BMP6: variants seen among roughly 807,000 people sequenced by gnomAD.
BMP6 encodes bone morphogenetic protein 6, also known as VG-1-R.
In BMP6, 17 loss-of-function variants were observed where a neutral mutation model predicts 54.1. The ratio of observed to expected loss-of-function variants is 0.31; its 90% CI spans 0.22 to 0.47. The LOEUF is 0.47. Ranked by LOEUF, BMP6 falls within the 20% of genes least tolerant of loss-of-function variation. The pLI is 1.00. For synonymous variants in BMP6, 328 were observed against 291.2 expected (o/e 1.13, Z -1.28); for missense variants, 720 against 690.4 (o/e 1.04, Z -0.48).
chr6:7,793,555 C>T lies in BMP6; in HGVS notation c.665-51585C>T, dbSNP rs559993567. Among the ~76,000 whole-genome samples, 8 of 151,606 alleles carry T rather than the reference C, an allele frequency of 5.3e-5. No homozygotes were observed. The South Asian group carries it at 1.5e-3, about 28-fold the overall frequency. ...TAATGATGTGTCCGTGTAGGTCCAC[C>T]GATGATAACTAATGTACCACTTTGG... On this transcript the variant is annotated intron_variant, in intron 1 of 6. Coordinates refer to ENST00000283147, the MANE Select transcript of BMP6 (RefSeq NM_001718.6).
intron 1 of BMP6, among the ~76,000 whole-genome samples, chr6:7,802,383 C>A (rs1253797275): frequency 6.6e-6 from 1 of 152,204 alleles, no homozygotes; most frequent in Non-Finnish European, 1.5e-5. Flanking sequence ...TCACCTCTCC[C>A]TTGAGGCCCA....
intron 4 of BMP6, among the ~76,000 whole-genome samples, chr6:7,870,207 T>A (rs894764487): frequency 6.6e-6 from 1 of 152,180 alleles, no homozygotes; most frequent in Non-Finnish European, 1.5e-5. Context: ...GGAGAGGGAT[T>A]TCAGAGCCAT....
chr6:7,774,017 A>G (rs759546202), intron 1 of BMP6, among the ~76,000 whole-genome samples: 2 of 152,266 alleles, frequency 1.3e-5, no homozygotes, highest in Non-Finnish European at 2.9e-5. Flanking sequence ...AGACGTGGTC[A>G]TTCCAGCCTC....
At chr6:7,842,187 C>T (rs1055649650) in intron 1 of BMP6, among the ~76,000 whole-genome samples, 11 of 152,100 alleles carry the variant, frequency 7.2e-5, no homozygotes, top group African/African-American at 2.7e-4. Context: ...AACGAGTTAC[C>T]ATCTCTCACA....
intron 1 of BMP6, among the ~76,000 whole-genome samples, chr6:7,802,479 T>C (rs1188551310): frequency 6.6e-6 from 1 of 152,196 alleles, no homozygotes; most frequent in East Asian, 1.9e-4. Flanking sequence ...GACGTTGTAA[T>C]CCTCACAAGT....
intron 1 of BMP6, among the ~76,000 whole-genome samples, chr6:7,777,485 G>C (rs1169768937): frequency 6.6e-6 from 1 of 152,160 alleles, no homozygotes; most frequent in Non-Finnish European, 1.5e-5. Flanking sequence ...TCTGGCTCCA[G>C]TATGGGGACT....
chr6:7,836,740 A>C (rs1218585174), intron 1 of BMP6, among the ~76,000 whole-genome samples: 1 of 152,226 alleles, frequency 6.6e-6, no homozygotes, highest in African/African-American at 2.4e-5. Context: ...AATACTTAGA[A>C]ATATTTGATG....
chr6:7,743,329 G>A (rs901516629), intron 1 of BMP6, among the ~76,000 whole-genome samples: 7 of 152,312 alleles, frequency 4.6e-5, no homozygotes, highest in African/African-American at 1.4e-4. Flanking sequence ...GGTTGACAAG[G>A]TTAATGTGTC....
intron 1 of BMP6, among the ~76,000 whole-genome samples, chr6:7,829,742 T>C (rs774306062): frequency 3.3e-5 from 5 of 152,112 alleles, no homozygotes; most frequent in African/African-American, 1.2e-4. Context: ...TGTAGCACTG[T>C]TGGGCGTCTG....
In BMP6 at chr6:7,781,382, A is replaced by T. The variant is rs764986999; in HGVS notation, c.664+53763A>T. ...CAGCTTCAAGGTGTGCTTCTTGGGG[A>T]TGTGGGCTGAGGCTTAGTGAGCTCG... On this transcript the variant is annotated intron_variant, in intron 1 of 6. Transcript: ENST00000283147. 4.2e-5 allele frequency among the ~76,000 whole-genome samples: 6 copies of T among 142,898 alleles called. 1 individual carries two copies. Among genetic ancestry groups the T allele is most frequent in the Non-Finnish European group, 9.8e-5 (6 of 61,422 alleles). 93.7% of individuals were successfully genotyped at this position (142,898 alleles called of 152,430 possible). A position where few individuals can be genotyped will look rare whatever the true frequency, so the allele number is the denominator to read the frequency against.
intron 1 of BMP6, among the ~76,000 whole-genome samples, chr6:7,832,416 G>A (rs1474217288): frequency 3.3e-5 from 5 of 152,078 alleles, no homozygotes; most frequent in Non-Finnish European, 5.9e-5. Flanking sequence ...AGGGCACAGC[G>A]AGAAGACAGC....
At chr6:7,821,792 A>G (rs1248468526) in intron 1 of BMP6, among the ~76,000 whole-genome samples, 1 of 152,196 alleles carries the variant, frequency 6.6e-6, no homozygotes, top group Non-Finnish European at 1.5e-5. Context: ...TCAGGAGTCA[A>G]TATATTCATT....
intron 4 of BMP6, among the ~76,000 whole-genome samples, chr6:7,870,732 A>G (rs776655498): frequency 4.6e-5 from 7 of 152,116 alleles, no homozygotes; most frequent in Non-Finnish European, 7.3e-5. Context: ...GGTTCAAGCA[A>G]TTCTCCTGCC....
intron 1 of BMP6, among the ~76,000 whole-genome samples, chr6:7,748,174 C>T (rs547401106): frequency 8.6e-5 from 13 of 152,014 alleles, no homozygotes; most frequent in East Asian, 3.9e-4. Context: ...GTTTGGTTTT[C>T]GGTGAGTTTT....
At chr6:7,740,511 G>T (rs2113116186) in intron 1 of BMP6, among the ~76,000 whole-genome samples, 1 of 152,210 alleles carries the variant, frequency 6.6e-6, no homozygotes, top group Non-Finnish European at 1.5e-5. Context: ...GATTCCATTT[G>T]TAGAAAGTTG....
At chr6:7,782,651 T>A (rs1178695650) in intron 1 of BMP6, among the ~76,000 whole-genome samples, 1 of 152,004 alleles carries the variant, frequency 6.6e-6, no homozygotes, top group Non-Finnish European at 1.5e-5. Flanking sequence ...TGTAGTGCGC[T>A]AAGATGGCGT....
At chr6:7,823,267 T>C (rs1256632180) in intron 1 of BMP6, among the ~76,000 whole-genome samples, 1 of 152,216 alleles carries the variant, frequency 6.6e-6, no homozygotes, top group African/African-American at 2.4e-5. Flanking sequence ...TTACAGAATA[T>C]TGTACTGATA....
chr6:7,771,830 A>C (rs1009494175), intron 1 of BMP6, among the ~76,000 whole-genome samples: 2 of 152,230 alleles, frequency 1.3e-5, no homozygotes, highest in East Asian at 1.9e-4. Context: ...AGGCGGGTGG[A>C]TCACCTGAGG....
chr6:7,764,824 T>C (rs947924718), intron 1 of BMP6, among the ~76,000 whole-genome samples: 2 of 152,116 alleles, frequency 1.3e-5, no homozygotes, highest in African/African-American at 2.4e-5. Flanking sequence ...CCCTCAGCAG[T>C]AGCTGATGCA....
Sources: allele counts gnomAD v4.1 joint callset (sites outside exome capture counted in the v4.1 genomes callset), GRCh38; gene constraint gnomAD v4.1.1; transcripts MANE v1.5; gene names NCBI Gene and HGNC (gene_info 2026-07-23, HGNC 2026-07-21).